The following PCDHA12 variants were observed in gnomAD, a reference collection of about 807,000 sequenced individuals.
PCDHA12 encodes protocadherin alpha 12, also known as protocadherin alpha-12.
In PCDHA12, 44 loss-of-function variants were observed where a neutral mutation model predicts 60.0. That is an observed-to-expected ratio of 0.73 (90% CI 0.58 to 0.94). PCDHA12 has a LOEUF of 0.94. Ranked by LOEUF, PCDHA12 falls within the 40% of genes least tolerant of loss-of-function variation. PCDHA12 has a pLI of 0.00. For synonymous variants in PCDHA12, 569 were observed against 553.0 expected, an observed-to-expected ratio of 1.03 and a Z score of -0.40; for missense variants, 1,276 against 1,239.7, an observed-to-expected ratio of 1.03 and a Z score of -0.44.
intron 3 of PCDHA12, among the ~76,000 whole-genome samples, chr5:140,994,117 G>A (rs889813029): frequency 2.6e-5 from 4 of 152,198 alleles, no homozygotes; most frequent in Admixed American, 6.5e-5. Flanking sequence ...ATTGTCATGT[G>A]ATAAGGGCGA....
At chr5:140,916,009 C>CA (rs541727470) in intron 1 of PCDHA12, among the ~76,000 whole-genome samples, 78 of 152,190 alleles carry the variant, frequency 5.1e-4, no homozygotes, top group Non-Finnish European at 9.6e-4. Flanking sequence ...AACCACAAGA[C>CA]AAAGTCTTTC....
chr5:140,944,003 C>A (rs1185007409), intron 1 of PCDHA12, among the ~76,000 whole-genome samples: 11 of 152,038 alleles, frequency 7.2e-5, no homozygotes, highest in African/African-American at 2.2e-4. Flanking sequence ...CTACTGAGTA[C>A]CCCCCAAAAG....
intron 1 of PCDHA12, among the ~76,000 whole-genome samples, chr5:140,905,229 G>A (rs2071688415): frequency 6.6e-6 from 1 of 152,156 alleles, no homozygotes; most frequent in African/African-American, 2.4e-5. Flanking sequence ...TGAGAGATGA[G>A]GATCCAGTTT....
rs952231570 is a variant in PCDHA12 at position 140,897,305 on chromosome 5, G to C, written c.2367+19466G>C. Among the ~76,000 whole-genome samples the C allele has an allele frequency of 1.9e-3, 284 of 150,706 alleles. 1 individual carries two copies. Among genetic ancestry groups the C allele is most frequent in the African/African-American group, 6.8e-3 (278 of 41,056 alleles). On this transcript the variant is annotated intron_variant, in intron 1 of 3. Coordinates refer to ENST00000398631, the MANE Select transcript of PCDHA12 (RefSeq NM_018903.4). ...CCATTAACTCGTCATTTAGCATTAG[G>C]TATATCTCCTAAAGCTATCCCTCCC...
chr5:140,971,787 A>G (rs1554233619), intron 1 of PCDHA12, among the ~76,000 whole-genome samples: 5 of 152,124 alleles, frequency 3.3e-5, no homozygotes, highest in Admixed American at 1.3e-4. Context: ...AGATTATTCA[A>G]TATATTGAAT....
At chr5:140,897,872 A>G (rs1327007992) in intron 1 of PCDHA12, among the ~76,000 whole-genome samples, 1 of 152,068 alleles carries the variant, frequency 6.6e-6, no homozygotes, top group Non-Finnish European at 1.5e-5. Context: ...CTTTTTAATG[A>G]TTGCCATTCT....
chr5:141,005,701 CAAAAAAAAA>C (rs59860837), intron 3 of PCDHA12, among the ~76,000 whole-genome samples: 2 of 7,784 alleles, frequency 2.6e-4, no homozygotes, highest in African/African-American at 4.7e-4. Context: ...AACTCCGTCT[CAAAAAAAAA>C]AAAAAAAAAA....
chr5:140,932,712 A>G (rs1025750078), intron 1 of PCDHA12, among the ~76,000 whole-genome samples: 4 of 151,972 alleles, frequency 2.6e-5, no homozygotes, highest in African/African-American at 9.6e-5. Context: ...AGACAACACA[A>G]TAATATTGTA....
At chr5:140,967,206 G>A in intron 1 of PCDHA12, 2 of 1,613,644 alleles carry the variant, frequency 1.2e-6, no homozygotes, top group South Asian at 2.2e-5. Flanking sequence ...AACTCACCGC[G>A]TTTCCCGCGG....
intron 1 of PCDHA12, among the ~76,000 whole-genome samples, chr5:140,958,528 G>T (rs961967514): frequency 4.6e-5 from 7 of 152,112 alleles, no homozygotes; most frequent in Non-Finnish European, 8.8e-5. Flanking sequence ...TATACTATGT[G>T]TACATTGATT....
intron 1 of PCDHA12, among the ~76,000 whole-genome samples, chr5:140,940,372 A>G (rs1173605569): frequency 1.3e-5 from 2 of 151,970 alleles, no homozygotes; most frequent in Admixed American, 6.6e-5. Flanking sequence ...GTATTCCTTG[A>G]GTTGTTAATT....
chr5:140,897,309 A>G (rs1165791921), intron 1 of PCDHA12, among the ~76,000 whole-genome samples: 3 of 148,098 alleles, frequency 2.0e-5, no homozygotes, highest in Non-Finnish European at 3.0e-5. Flanking sequence ...CATTAGGTAT[A>G]TCTCCTAAAG....
At chr5:140,884,396 C>G in intron 1 of PCDHA12, 1 of 1,614,012 alleles carries the variant, frequency 6.2e-7, no homozygotes, top group Non-Finnish European at 8.5e-7. Flanking sequence ...GGTGTCCAGC[C>G]TGTTGGTGCT....
intron 1 of PCDHA12, among the ~76,000 whole-genome samples, chr5:140,892,079 G>A (rs985463495): frequency 2.0e-5 from 3 of 152,066 alleles, no homozygotes; most frequent in Admixed American, 6.6e-5. Context: ...ATAATTTCTA[G>A]TTTCCTCTCG....
At chr5:140,882,435 T>C in intron 1 of PCDHA12, 2 of 1,614,036 alleles carry the variant, frequency 1.2e-6, no homozygotes, top group East Asian at 4.5e-5. Context: ...GGGCTGGAGC[T>C]GGCGGAGCTG....
rs565071573 is a variant in PCDHA12, at chr5:141,009,664, G to C, written c.2553G>C (p.Ala851=). 1.7e-4 allele frequency: 273 copies of C among 1,613,982 alleles called. 2 individuals are homozygous for C. In the South Asian group the frequency reaches 2.8e-3, roughly 17 times the overall value. ...GAGAAGTGTCCCCTCCAGTCGGTGC[G>C]GGTGTCAACAGCAACAGCTGGACCT... ...EAGEVSPPVG[A]GVNSNSWTFK... The change falls in exon 4 of 4, where the codon GCG becomes GCC. Residue 851 remains alanine, a synonymous_variant. Transcript: ENST00000398631.
chr5:140,983,359 A>G (rs1310994731), intron 3 of PCDHA12, among the ~76,000 whole-genome samples: 1 of 152,254 alleles, frequency 6.6e-6, no homozygotes, highest in African/African-American at 2.4e-5. Flanking sequence ...TAATAGAAAT[A>G]TGGCTTTGGA....
rs369562052 is a variant in PCDHA12, at chr5:140,877,058, A to G, written c.1586A>G (p.Glu529Gly). The change falls in exon 1 of 4, where the codon GAG becomes GGG. Residue 529 changes from glutamate (E) to glycine (G), a missense_variant. Glu to Gly is a moderately conservative substitution (Grantham distance 98, BLOSUM62 -2). Transcript: ENST00000398631. ...ALQPLDHEELELLQFQVSARD... is the reference protein window; with the variant it reads ...ALQPLDHEELGLLQFQVSARD... Reference sequence around the variant, plus strand: ...CAGCCGCTAGACCACGAGGAGCTGGAGCTGCTGCAGTTCCAGGTGAGCGCG... The same window carrying G: ...CAGCCGCTAGACCACGAGGAGCTGGGGCTGCTGCAGTTCCAGGTGAGCGCG... The G allele has an allele frequency of 1.9e-6, 3 of 1,612,726 alleles. No homozygotes were observed. The African/African-American group carries it at 4.0e-5, about 22-fold the overall frequency.
intron 1 of PCDHA12, among the ~76,000 whole-genome samples, chr5:140,887,340 CCT>C (rs1554183026): frequency 1.3e-5 from 2 of 152,144 alleles, no homozygotes; most frequent in African/African-American, 4.8e-5. Flanking sequence ...TCGTGATCCA[CCT>C]GGCTCGGCCT....
Sources: gnomAD v4.1 joint callset for allele counts (sites outside exome capture counted in the v4.1 genomes callset) on GRCh38, gnomAD v4.1.1 for gene constraint, MANE v1.5 for transcripts, NCBI Gene and HGNC (gene_info 2026-07-23, HGNC 2026-07-21) for gene names.